Variants in CDH23 observed in about 807,000 individuals in gnomAD.
CDH23 encodes the protein cadherin related 23, also known as cadherin-23.
A neutral mutation model predicts 317.1 loss-of-function variants in CDH23; 189 were observed. The ratio of observed to expected loss-of-function variants is 0.60; its 90% confidence interval spans 0.53 to 0.67. The LOEUF (loss-of-function observed/expected upper bound fraction) is 0.67, where lower values mean the gene tolerates loss of function less well. CDH23 is among the 30% of genes least tolerant of loss of function. The pLI is 0.00. For missense variants in CDH23, 4,401 were observed against 4,592.4 expected, an observed-to-expected ratio of 0.96 and a Z score of 1.20; for synonymous variants, 1,839 against 1,876.8, an observed-to-expected ratio of 0.98 and a Z score of 0.52.
At chr10:71,610,363 G>C (rs1860800977) in intron 9 of CDH23, among the ~76,000 whole-genome samples, 1 of 152,214 alleles carries the variant, frequency 6.6e-6, no homozygotes, top group Non-Finnish European at 1.5e-5. Context: ...GAAGGATGAT[G>C]ATCTCTTATT....
chr10:71,532,026 A>G (rs1855400306), intron 6 of CDH23, among the ~76,000 whole-genome samples: 1 of 152,094 alleles, frequency 6.6e-6, no homozygotes. Flanking sequence ...CCTCCCAAAA[A>G]TGGGGAGTCC....
At chr10:71,659,821 AGG>A (rs1863567484) in intron 14 of CDH23, among the ~76,000 whole-genome samples, 1 of 152,202 alleles carries the variant, frequency 6.6e-6, no homozygotes, top group Non-Finnish European at 1.5e-5. Context: ...TCTGATGAGG[AGG>A]AGGAAGGTAG....
chr10:71,420,444 T>TGA (rs1564568587), intron 1 of CDH23, among the ~76,000 whole-genome samples: 2 of 38,006 alleles, frequency 5.3e-5, no homozygotes, highest in Non-Finnish European at 5.6e-5. Context: ...ATGATGGTCA[T>TGA]TATGATGGTG....
chr10:71,628,540 C>CAGA lies in CDH23; in HGVS notation c.1134+11147_1134+11148insAGA, dbSNP rs1221726585. The stretch of plus-strand genomic sequence containing the variant: ...TTGAGACAGAGTCTTGCTCTGTCGC[C>CAGA]CATGCTGGAGTGCAGTGGCGCAATC... On this transcript the variant is annotated intron_variant, in intron 11 of 69. Transcript: ENST00000224721. Among the ~76,000 whole-genome samples the CAGA allele has an allele frequency of 1.1e-4, 16 of 152,262 alleles. No homozygotes were observed. The South Asian group carries it at 2.5e-3, about 24-fold the overall frequency.
At chr10:71,453,357 C>T (rs962893806) in intron 3 of CDH23, among the ~76,000 whole-genome samples, 4 of 152,230 alleles carry the variant, frequency 2.6e-5, no homozygotes, top group East Asian at 1.9e-4. Context: ...GACCCCGCAT[C>T]GGCAGTCTCT....
chr10:71,798,488 G>A lies in CDH23; in HGVS notation c.6964G>A (p.Asp2322Asn). The A allele has an allele frequency of 1.2e-6, 2 of 1,614,014 alleles. No individual in the cohort carries two copies. Among genetic ancestry groups the A allele is most frequent in the Non-Finnish European group, 1.7e-6 (2 of 1,179,878 alleles). ...CACACTCATTGCTGTGGCAGCCGTG[G>A]ACCCTGACAAGGGCCTTAATGGGCT... is the stretch of plus-strand genomic sequence containing the variant. ...GTTLIAVAAV[D>N]PDKGLNGLVT... The change falls in exon 50 of 70, where the codon GAC becomes AAC. Residue 2322 changes from aspartate to asparagine, a missense_variant. Asp to Asn is a conservative substitution (Grantham distance 23). Coordinates refer to ENST00000224721, the MANE Select transcript of CDH23 (RefSeq NM_022124.6).
At chr10:71,755,454 G>A (rs1840115007) in intron 38 of CDH23, 1 of 1,611,676 alleles carries the variant, frequency 6.2e-7, no homozygotes, top group Non-Finnish European at 8.5e-7. Context: ...AGCCAGGGCT[G>A]CAGCCGTGAT....
intron 34 of CDH23, among the ~76,000 whole-genome samples, chr10:71,737,346 A>G (rs1343889911): frequency 6.6e-6 from 1 of 152,236 alleles, no homozygotes; most frequent in Non-Finnish European, 1.5e-5. Flanking sequence ...GAAATGGAAA[A>G]TCAGAGAGCT....
At position 71,705,130 on chromosome 10, in the gene CDH23, G is replaced by C. The variant is rs374964318; in HGVS notation, c.2953G>C (p.Val985Leu). The change falls in exon 25 of 70, where the codon GTG (valine) becomes CTG (leucine). Residue 985 changes from valine (V) to leucine (L), a missense_variant and splice_region_variant. Coordinates refer to ENST00000224721, the MANE Select transcript of CDH23 (RefSeq NM_022124.6). ...KSSTSTLTIHVLDVNDETPTF... is the reference protein window; with the variant it reads ...KSSTSTLTIHLLDVNDETPTF... ...CTCCACCAGCACGCTCACCATCCAT[G>C]GTGAGGGGGCGCAGGGGCTTCTGCT... is the stretch of plus-strand genomic sequence containing the variant. 92 of 1,608,304 alleles carry C rather than the reference G, an allele frequency of 5.7e-5. No homozygotes were observed. The highest frequency in any genetic ancestry group is 9.4e-5 in the African/African-American group (7 of 74,804).
chr10:71,814,713 TACAC>T lies in CDH23; in HGVS notation c.9739-219_9739-216del, dbSNP rs34475820. Among the ~76,000 whole-genome samples, 2,637 of 146,984 alleles carry T rather than the reference TACAC, an allele frequency of 0.018. 65 individuals carry two copies. Among genetic ancestry groups the T allele is most frequent in the African/African-American group, 0.053 (2,140 of 40,078 alleles). On this transcript the variant is annotated intron_variant, in intron 69 of 69. Coordinates refer to ENST00000224721, the MANE Select transcript of CDH23 (RefSeq NM_022124.6). The stretch of plus-strand genomic sequence containing the variant: ...ACACACAATTTTCACAAGAAGCCGA[TACAC>T]ACACACACACACACACACAGATTTT...
intron 38 of CDH23, among the ~76,000 whole-genome samples, chr10:71,773,875 T>A (rs149966021): frequency 6.6e-6 from 1 of 152,242 alleles, no homozygotes; most frequent in East Asian, 1.9e-4. Flanking sequence ...GACAGAGACT[T>A]GTACCCTACA....
chr10:71,784,245 G>A (rs1297470281), intron 41 of CDH23, 42 bp from the exon 42 acceptor site: 2 of 1,596,190 alleles, frequency 1.3e-6, no homozygotes. Flanking sequence ...CACAGTTCCT[G>A]CCAATGCCCG....
chr10:71,666,923 G>A (rs1319544983), intron 14 of CDH23, among the ~76,000 whole-genome samples: 6 of 152,250 alleles, frequency 3.9e-5, no homozygotes, highest in Non-Finnish European at 5.9e-5. Flanking sequence ...AAGCACCGGG[G>A]CTCCACAGAG....
chr10:71,617,183 G>A (rs372751751), intron 10 of CDH23, 22 bp from the exon 11 acceptor site: 11 of 1,602,354 alleles, frequency 6.9e-6, no homozygotes, highest in Non-Finnish European at 6.8e-6. Flanking sequence ...TTCACTCCGG[G>A]GTGACTGATC....
At chr10:71,417,168 T>C (rs746555120) in intron 1 of CDH23, among the ~76,000 whole-genome samples, 5 of 151,356 alleles carry the variant, frequency 3.3e-5, no homozygotes, top group Non-Finnish European at 7.4e-5. Flanking sequence ...CCTCTGCTGC[T>C]CGGGTTCAAG....
chr10:71,603,049 G>C (rs1860320965), intron 9 of CDH23, among the ~76,000 whole-genome samples: 1 of 152,102 alleles, frequency 6.6e-6, no homozygotes, highest in Non-Finnish European at 1.5e-5. Context: ...CCCATACCTG[G>C]TACGGACAGG....
chr10:71,809,030 T>C (rs1841828005), intron 60 of CDH23, among the ~76,000 whole-genome samples: 1 of 152,186 alleles, frequency 6.6e-6, no homozygotes, highest in African/African-American at 2.4e-5. Context: ...TCAAGGCACA[T>C]AGAGGCTCAG....
intron 38 of CDH23, among the ~76,000 whole-genome samples, chr10:71,770,033 G>A (rs892990842): frequency 1.3e-5 from 2 of 152,306 alleles, no homozygotes; most frequent in East Asian, 1.9e-4. Context: ...GGGCTCACAG[G>A]TAGCTGGACG....
rs767831814 is a variant in CDH23 at position 71,706,937 on chromosome 10, C to T, written c.2994C>T (p.Ala998=). 46 of 1,606,634 alleles carry T rather than the reference C, an allele frequency of 2.9e-5. No homozygotes were observed. Among genetic ancestry groups the T allele is most frequent in the Non-Finnish European group, 3.5e-5 (41 of 1,176,986 alleles). ...ACGAGACGCCCACCTTCTTCCCGGC[C>T]GTGTACAATGTGTCTGTGTCCGAGG... is the stretch of plus-strand genomic sequence containing the variant. ...VNDETPTFFP[A]VYNVSVSEDV... The change falls in exon 26 of 70, where the codon GCC becomes GCT. Residue 998 remains alanine (A), a synonymous_variant. Transcript: ENST00000224721.
Sources: gnomAD v4.1 joint callset for allele counts (sites outside exome capture counted in the v4.1 genomes callset) on GRCh38, gnomAD v4.1.1 for gene constraint, MANE v1.5 for transcripts, NCBI Gene and HGNC (gene_info 2026-07-23, HGNC 2026-07-21) for gene names.